Variants in RB1CC1 observed in about 807,000 individuals in gnomAD.
RB1CC1 encodes the protein RB1-inducible coiled-coil protein 1.
Under a neutral mutation model 177.5 loss-of-function variants are expected in RB1CC1, and 46 were observed. The observed-to-expected ratio is 0.26, with a 90% CI of 0.20 to 0.33. The LOEUF is 0.33. RB1CC1 is among the 10% of genes least tolerant of loss of function. RB1CC1 has a pLI of 1.00. For missense variants in RB1CC1, 1,703 were observed against 1,816.3 expected (o/e 0.94, Z 1.13); for synonymous variants, 666 against 613.6 (o/e 1.09, Z -1.26).
chr8:52,651,155 C>T (rs563449886), intron 15 of RB1CC1, among the ~76,000 whole-genome samples: 2 of 152,234 alleles, frequency 1.3e-5, no homozygotes, highest in African/African-American at 4.8e-5. Context: ...TGGAGTGAGG[C>T]CAAAATTATT....
intron 22 of RB1CC1, among the ~76,000 whole-genome samples, 187 bp from the exon 23 acceptor site, chr8:52,624,974 A>G (rs542900615): frequency 6.6e-6 from 1 of 152,288 alleles, no homozygotes; most frequent in Non-Finnish European, 1.5e-5. Context: ...TTACTTTTCA[A>G]CCAGTAATGT....
intron 5 of RB1CC1, 143 bp from the exon 6 acceptor site, chr8:52,676,714 C>CTCTTCTGTTCTCTGCTTTAGTTTATCTTA (rs1340861064): frequency 6.5e-6 from 5 of 774,482 alleles, no homozygotes; most frequent in Non-Finnish European, 1.0e-5. Context: ...TTTAGTTTAT[C>CTCTTCTGTTCTCTGCTTTAGTTTATCTTA]TCTGTTCTCT....
chr8:52,625,113 G>C (rs145688040), intron 22 of RB1CC1, among the ~76,000 whole-genome samples: 9 of 152,220 alleles, frequency 5.9e-5, no homozygotes, highest in African/African-American at 1.9e-4. Flanking sequence ...TAACTCAGTA[G>C]TGCCATCTAT....
chr8:52,637,327 ACTGT>A (rs1291695003), intron 18 of RB1CC1, among the ~76,000 whole-genome samples: 5 of 152,220 alleles, frequency 3.3e-5, no homozygotes, highest in Non-Finnish European at 5.9e-5. Context: ...CAGAAAAGAA[ACTGT>A]CTTTTAAATC....
intron 20 of RB1CC1, among the ~76,000 whole-genome samples, chr8:52,631,501 C>G (rs1848753076): frequency 6.6e-6 from 1 of 152,152 alleles, no homozygotes. Flanking sequence ...ATTAAACTTT[C>G]CTAGCATGTG....
chr8:52,694,633 G>C (rs147736282), intron 1 of RB1CC1, among the ~76,000 whole-genome samples: 28 of 152,298 alleles, frequency 1.8e-4, no homozygotes, highest in African/African-American at 6.5e-4. Context: ...ACTTCAGTGA[G>C]AGCTGCACAT....
At chr8:52,627,207 C>T (rs943389866) in intron 22 of RB1CC1, among the ~76,000 whole-genome samples, 5 of 151,812 alleles carry the variant, frequency 3.3e-5, no homozygotes, top group African/African-American at 7.3e-5. Flanking sequence ...ATTAGCTGGG[C>T]GTGGTGGCAC....
chr8:52,678,312 G>T (rs1326460636), intron 5 of RB1CC1, among the ~76,000 whole-genome samples: 2 of 152,170 alleles, frequency 1.3e-5, no homozygotes, highest in African/African-American at 4.8e-5. Flanking sequence ...AGCTACTGGG[G>T]AAGCTGAGGG....
chr8:52,681,689 G>C (rs908257836), intron 5 of RB1CC1, among the ~76,000 whole-genome samples: 1 of 152,214 alleles, frequency 6.6e-6, no homozygotes, highest in Non-Finnish European at 1.5e-5. Flanking sequence ...CCAGCACTTA[G>C]GGAGGCCAAG....
intron 22 of RB1CC1, among the ~76,000 whole-genome samples, chr8:52,627,059 A>G (rs1848447154): frequency 6.6e-6 from 1 of 151,832 alleles, no homozygotes; most frequent in Non-Finnish European, 1.5e-5. Flanking sequence ...TGTCTTAAAG[A>G]AAAAAAAGGC....
chr8:52,658,137 G>T lies in RB1CC1; in HGVS notation c.1794-13C>A. ...AAGTAAGGGAACCCTGAAACAGAAT[G>T]CAATGCAATTAGACTTCTGATTTTT... On this transcript the variant is annotated splice_polypyrimidine_tract_variant and intron_variant, in intron 13 of 23. Coordinates refer to ENST00000025008, the MANE Select transcript of RB1CC1 (RefSeq NM_014781.5). 6.2e-7 allele frequency: 1 copy of T among 1,604,958 alleles called. No homozygotes were observed. Among genetic ancestry groups the T allele is most frequent in the Non-Finnish European group, 8.5e-7 (1 of 1,177,356 alleles).
intron 16 of RB1CC1, among the ~76,000 whole-genome samples, chr8:52,644,248 C>T (rs1036037853): frequency 6.6e-6 from 1 of 152,034 alleles, no homozygotes; most frequent in African/African-American, 2.4e-5. Context: ...TAAATAAATA[C>T]AACTTAACAT....
At chr8:52,684,138 C>G (rs539970792) in intron 3 of RB1CC1, 125 bp from the exon 4 acceptor site, 1 of 1,125,082 alleles carries the variant, frequency 8.9e-7, no homozygotes, top group African/African-American at 1.6e-5. Flanking sequence ...TCCCCAAAAA[C>G]AGTAATAAAA....
At chr8:52,669,471 C>T (rs190212390) in intron 7 of RB1CC1, among the ~76,000 whole-genome samples, 1 of 152,136 alleles carries the variant, frequency 6.6e-6, no homozygotes. Flanking sequence ...GAGTCTTGTA[C>T]ACAGAGAACA....
intron 1 of RB1CC1, among the ~76,000 whole-genome samples, chr8:52,691,603 C>T (rs1330155751): frequency 6.6e-6 from 1 of 152,184 alleles, no homozygotes; most frequent in African/African-American, 2.4e-5. Flanking sequence ...AAATTTCTAA[C>T]AGCTCCTAAG....
intron 1 of RB1CC1, among the ~76,000 whole-genome samples, chr8:52,709,158 G>T (rs543102421): frequency 6.6e-6 from 1 of 152,050 alleles, no homozygotes; most frequent in African/African-American, 2.4e-5. Context: ...GGTCAGCTGA[G>T]ATCATGCCAT....
chr8:52,659,616 T>C (rs375038714), intron 12 of RB1CC1, among the ~76,000 whole-genome samples: 9 of 152,188 alleles, frequency 5.9e-5, no homozygotes, highest in African/African-American at 1.9e-4. Context: ...TAAATAAGTA[T>C]GGGAATCGCT....
chr8:52,684,051 T>C, intron 3 of RB1CC1, 38 bp from the exon 4 acceptor site: 2 of 1,582,804 alleles, frequency 1.3e-6, no homozygotes, highest in South Asian at 1.1e-5. Flanking sequence ...GTTGTTTATA[T>C]TTGCCCAATG....
chr8:52,669,704 C>G (rs1852384474), intron 7 of RB1CC1, among the ~76,000 whole-genome samples: 1 of 152,130 alleles, frequency 6.6e-6, no homozygotes, highest in Admixed American at 6.5e-5. Flanking sequence ...GTATGTATTT[C>G]TACACCAGAG....
Sources: allele counts gnomAD v4.1 joint callset (sites outside exome capture counted in the v4.1 genomes callset), GRCh38; gene constraint gnomAD v4.1.1; transcripts MANE v1.5; gene names NCBI Gene and HGNC (gene_info 2026-07-23, HGNC 2026-07-21).